STARD13: variants seen among roughly 807,000 people sequenced by gnomAD.
The protein encoded by STARD13 is StAR related lipid transfer domain containing 13, also known as stAR-related lipid transfer protein 13.
A neutral mutation model predicts 106.4 loss-of-function variants in STARD13; 62 were observed. That is an observed-to-expected ratio of 0.58 (90% CI 0.48 to 0.72). The LOEUF is 0.72. STARD13 is among the 30% of genes least tolerant of loss of function. STARD13 has a pLI of 0.00. For missense variants in STARD13, 1,387 were observed against 1,424.0 expected (o/e 0.97, Z 0.42); for synonymous variants, 565 against 553.0 (o/e 1.02, Z -0.31).
At chr13:33,573,436 C>G in the STARD13 span, among the ~76,000 whole-genome samples, 7 of 152,012 alleles carry the variant, frequency 4.6e-5, no homozygotes, top group Admixed American at 2.0e-4. Context: ...AGTATTTATT[C>G]CATTATAAAC....
At chr13:33,212,171 C>A (rs1887761606) in intron 1 of STARD13, among the ~76,000 whole-genome samples, 1 of 152,136 alleles carries the variant, frequency 6.6e-6, no homozygotes, top group East Asian at 1.9e-4. Context: ...GCTCACCTGT[C>A]CCCCTGAAGC....
the STARD13 span, among the ~76,000 whole-genome samples, chr13:33,408,383 C>A: frequency 1.3e-5 from 2 of 152,034 alleles, no homozygotes; most frequent in Non-Finnish European, 2.9e-5. Flanking sequence ...TTTCTAGATA[C>A]CTCCTATGAG....
chr13:33,356,963 G>T, the STARD13 span, among the ~76,000 whole-genome samples: 2 of 152,182 alleles, frequency 1.3e-5, no homozygotes, highest in African/African-American at 2.4e-5. Flanking sequence ...ATGCAGCAAA[G>T]AACTCTTTGT....
At chr13:33,479,017 G>T in the STARD13 span, among the ~76,000 whole-genome samples, 2 of 152,052 alleles carry the variant, frequency 1.3e-5, no homozygotes, top group African/African-American at 4.8e-5. Context: ...TATATAAAGA[G>T]ATTTTATAAG....
chr13:33,434,383 A>AAAG, the STARD13 span, among the ~76,000 whole-genome samples: 2 of 151,516 alleles, frequency 1.3e-5, no homozygotes, highest in Non-Finnish European at 2.9e-5. Context: ...AGAAAGAAAG[A>AAAG]AAAAGAAATC....
chr13:33,389,559 A>G, the STARD13 span, among the ~76,000 whole-genome samples: 1 of 152,166 alleles, frequency 6.6e-6, no homozygotes, highest in South Asian at 2.1e-4. Context: ...ATATGGGTTT[A>G]CAATCTTTTT....
intron 3 of STARD13, among the ~76,000 whole-genome samples, chr13:33,160,587 A>G (rs1882500718): frequency 6.6e-6 from 1 of 152,204 alleles, no homozygotes; most frequent in Non-Finnish European, 1.5e-5. Context: ...CTCAAAACTC[A>G]ACAATAAGAA....
At chr13:33,559,786 G>T in the STARD13 span, among the ~76,000 whole-genome samples, 1 of 151,454 alleles carries the variant, frequency 6.6e-6, no homozygotes, top group South Asian at 2.1e-4. Flanking sequence ...GAACCCGGGA[G>T]GTGGACGTTG....
At chr13:33,127,668 G>A in intron 5 of STARD13, 122 bp from the exon 6 acceptor site, 1 of 945,668 alleles carries the variant, frequency 1.1e-6, no homozygotes, top group Non-Finnish European at 1.5e-6. Context: ...AAATCGCAAA[G>A]CAAATGGAAC....
At chr13:33,454,120 C>T in the STARD13 span, among the ~76,000 whole-genome samples, 11 of 152,238 alleles carry the variant, frequency 7.2e-5, no homozygotes, top group South Asian at 6.2e-4. Context: ...GCTTCTGCCT[C>T]TGTCAATCCG....
the STARD13 span, among the ~76,000 whole-genome samples, chr13:33,608,955 G>A: frequency 8.3e-3 from 1,258 of 151,474 alleles, 16 homozygotes; most frequent in African/African-American, 0.028. Context: ...GCGTGGTGGC[G>A]GGCGCCTGTA....
chr13:33,627,973 T>C, the STARD13 span, among the ~76,000 whole-genome samples: 2 of 151,584 alleles, frequency 1.3e-5, no homozygotes, highest in East Asian at 1.9e-4. Flanking sequence ...TTCTTTCTTT[T>C]TTTTTTTTTT....
At chr13:33,555,036 TG>T in the STARD13 span, among the ~76,000 whole-genome samples, 1 of 152,194 alleles carries the variant, frequency 6.6e-6, no homozygotes, top group Non-Finnish European at 1.5e-5. Flanking sequence ...GTTCTGAGGC[TG>T]GTAGTCTAAG....
chr13:33,409,232 G>A, the STARD13 span, among the ~76,000 whole-genome samples: 1 of 152,026 alleles, frequency 6.6e-6, no homozygotes, highest in Non-Finnish European at 1.5e-5. Context: ...CTATGTGCCA[G>A]CTATTGTTCT....
intron 3 of STARD13, among the ~76,000 whole-genome samples, chr13:33,147,918 CAA>C (rs1381415592): frequency 6.6e-6 from 1 of 152,092 alleles, no homozygotes; most frequent in Non-Finnish European, 1.5e-5. Context: ...CAGACTCGCA[CAA>C]AGAGAGTCAA....
At chr13:33,555,696 C>A in the STARD13 span, among the ~76,000 whole-genome samples, 3 of 152,172 alleles carry the variant, frequency 2.0e-5, no homozygotes, top group African/African-American at 7.2e-5. Context: ...TCCTGCTAGA[C>A]ACTAGTTAAG....
At chr13:33,381,612 C>CGCCT in the STARD13 span, among the ~76,000 whole-genome samples, 2 of 151,942 alleles carry the variant, frequency 1.3e-5, no homozygotes, top group Admixed American at 1.3e-4. Context: ...TGGTGGCAGG[C>CGCCT]GCCTGTAATC....
chr13:33,117,860 G>A (rs867401105), intron 8 of STARD13: 14 of 985,090 alleles, frequency 1.4e-5, no homozygotes, highest in Middle Eastern at 1.0e-3. Context: ...TGTCAAAAAG[G>A]TATTTTCAAA....
the STARD13 span, among the ~76,000 whole-genome samples, chr13:33,607,653 G>A: frequency 8.0e-4 from 121 of 151,988 alleles, no homozygotes; most frequent in Non-Finnish European, 1.3e-3. Context: ...AAGTTAAACT[G>A]ATTAGAAAGG....
Sources: gnomAD v4.1 joint callset for allele counts (sites outside exome capture counted in the v4.1 genomes callset) on GRCh38, gnomAD v4.1.1 for gene constraint, MANE v1.5 for transcripts, NCBI Gene and HGNC (gene_info 2026-07-23, HGNC 2026-07-21) for gene names.